WDR36: variants seen among roughly 807,000 people sequenced by gnomAD.
The protein encoded by WDR36 is WD repeat domain 36.
WDR36 carries 63 observed loss-of-function variants against 112.7 expected under a neutral mutation model. That is an observed-to-expected ratio of 0.56 (90% CI 0.46 to 0.69). The LOEUF is 0.69. Among genes scored for constraint, WDR36 ranks in the 30% least tolerant of loss-of-function variants. The probability of loss-of-function intolerance (pLI) is 0.00; values close to 1 mark genes in which losing one functional copy is unlikely to be tolerated. For synonymous variants in WDR36, 410 were observed against 362.2 expected (o/e 1.13, Z -1.50); for missense variants, 1,226 against 1,070.3 (o/e 1.15, Z -2.03).
At chr5:111,103,091 C>G (rs1010711404) in intron 6 of WDR36, among the ~76,000 whole-genome samples, 3 of 151,602 alleles carry the variant, frequency 2.0e-5, no homozygotes, top group African/African-American at 7.3e-5. Context: ...GGGATTATAT[C>G]TGTTTTAGTA....
At chr5:111,102,481 A>G (rs1219272649) in intron 6 of WDR36, 82 bp downstream of exon 6, 3 of 1,362,246 alleles carry the variant, frequency 2.2e-6, no homozygotes, top group Non-Finnish European at 3.1e-6. Context: ...ATAATTTTAG[A>G]CGTAAAGACG....
In WDR36 at chr5:111,097,151, T is replaced by A; in HGVS notation, c.263T>A (p.Val88Asp). 1 of 1,613,640 alleles carries A rather than the reference T, an allele frequency of 6.2e-7. No individual in the cohort carries two copies. Among genetic ancestry groups the A allele is most frequent in the Non-Finnish European group, 8.5e-7 (1 of 1,179,752 alleles). Residue 88 changes from valine (V) to aspartate (D), a missense_variant, in exon 3 of 23, where the codon GTT becomes GAT. Val to Asp is a radical substitution (Grantham distance 152, BLOSUM62 -3). Transcript: ENST00000513710. ...TTAGTCTTTGCTGCTTATGGAAATG[T>A]TTTCTCTGCATTTGCCCGTAATAAA... ...GRLVFAAYGNVFSAFARNKEI... is the reference protein window; with the variant it reads ...GRLVFAAYGNDFSAFARNKEI...
At position 111,121,225 on chromosome 5, in the gene WDR36, T is replaced by C; in HGVS notation, c.2148+84T>C. ...TTAAGCAGAGAGAACTTCTCCTACA[T>C]TGAGGGCATTAGAAGAGCAATTAAT... On this transcript the variant is annotated intron_variant, in intron 19 of 22. Transcript: ENST00000513710. The C allele has an allele frequency of 2.0e-6, 3 of 1,470,564 alleles. 1 individual carries two copies. Among genetic ancestry groups the C allele is most frequent in the Non-Finnish European group, 2.8e-6 (3 of 1,054,514 alleles). The allele number at this position is 1,470,564 out of a possible 1,614,324, so 91.1% of individuals were successfully genotyped here. A position where few individuals can be genotyped will look rare whatever the true frequency, so the allele number is the denominator to read the frequency against.
In WDR36 at chr5:111,129,997, T is replaced by C. The variant is rs1378240316; in HGVS notation, c.*3114T>C. The C allele has an allele frequency of 4.7e-6, 1 of 211,714 alleles. No homozygotes were observed. Among genetic ancestry groups the C allele is most frequent in the Non-Finnish European group, 9.6e-6 (1 of 104,506 alleles). 13.1% of individuals were successfully genotyped at this position (211,714 alleles called of 1,614,324 possible). A position where few individuals can be genotyped will look rare whatever the true frequency, so the allele number is the denominator to read the frequency against. On this transcript the variant is annotated 3_prime_UTR_variant, in exon 23 of 23. Transcript: ENST00000513710. ...TATGTGTTAAATTCTTTCACTGAGC[T>C]CTTCCATATTCCTAGTAAATGATGC... is the stretch of plus-strand genomic sequence containing the variant.
In WDR36 at chr5:111,101,502, A is replaced by G. The variant is rs1485737106; in HGVS notation, c.542+781A>G. Among the ~76,000 whole-genome samples the G allele has an allele frequency of 2.0e-5, 3 of 151,874 alleles. No individual in the cohort carries two copies. In the South Asian group the frequency reaches 6.2e-4, roughly 31 times the overall value. The stretch of plus-strand genomic sequence containing the variant: ...GTTAAAAGTACTTCCATAATCTCCC[A>G]TAGATATGGCAAATATCTAATATTG... On this transcript the variant is annotated intron_variant, in intron 5 of 22. Coordinates refer to ENST00000513710, the MANE Select transcript of WDR36 (RefSeq NM_139281.3).
intron 16 of WDR36, among the ~76,000 whole-genome samples, chr5:111,117,500 T>C (rs1296453766): frequency 1.3e-5 from 2 of 152,148 alleles, no homozygotes; most frequent in Non-Finnish European, 2.9e-5. Flanking sequence ...GTGTTTTAGT[T>C]TCAGTAGTGG....
Position 111,095,287 on chromosome 5 carries a change from G to T in WDR36, c.190+340G>T, listed in dbSNP as rs78698890. On this transcript the variant is annotated intron_variant, in intron 2 of 22. Coordinates refer to ENST00000513710, the MANE Select transcript of WDR36 (RefSeq NM_139281.3). ...GGATTAGATTTAGGTTGTACCCCTT[G>T]GGAGGAATCACAGTGAATTGTATCA... 7.1e-3 allele frequency: 1,616 copies of T among 226,938 alleles called. 21 individuals are homozygous for T. The highest frequency in any genetic ancestry group is 0.035 in the African/African-American group (1,515 of 43,676). The allele number at this position is 226,938 out of a possible 1,614,324, so 14.1% of individuals were successfully genotyped here. A position where few individuals can be genotyped will look rare whatever the true frequency, so the allele number is the denominator to read the frequency against.
chr5:111,098,122 TCAGA>T (rs796562142), intron 3 of WDR36, among the ~76,000 whole-genome samples: 5 of 152,080 alleles, frequency 3.3e-5, no homozygotes, highest in African/African-American at 1.2e-4. Flanking sequence ...TGGGGAGGCG[TCAGA>T]CACTGTCAAC....
intron 17 of WDR36, among the ~76,000 whole-genome samples, chr5:111,120,211 C>T (rs1379506412): frequency 6.6e-6 from 1 of 152,072 alleles, no homozygotes; most frequent in Non-Finnish European, 1.5e-5. Context: ...TATGTCAAAA[C>T]AATATATGAA....
rs947128644 is a variant in WDR36, at chr5:111,126,896, G to A, written c.*13G>A. ...TGCTTTGTTGTAAAAATAAATTTGT[G>A]ACTAAACAAAGACTTTCATATTAAA... On this transcript the variant is annotated 3_prime_UTR_variant, in exon 23 of 23. Transcript: ENST00000513710. 9 of 1,582,662 alleles carry A rather than the reference G, an allele frequency of 5.7e-6. 1 individual carries two copies. In the Admixed American group the frequency reaches 1.1e-4, roughly 19 times the overall value.
At chr5:111,123,644 G>A (rs773635570) in intron 19 of WDR36, among the ~76,000 whole-genome samples, 161 bp from the exon 20 acceptor site, 2 of 152,210 alleles carry the variant, frequency 1.3e-5, no homozygotes, top group African/African-American at 2.4e-5. Context: ...AAGGATAGCT[G>A]TGGTATTGGT....
Position 111,097,036 on chromosome 5 carries a change from A to C in WDR36, c.191-43A>C, listed in dbSNP as rs760798616. The C allele has an allele frequency of 4.8e-6, 7 of 1,451,604 alleles. No homozygotes were observed. In the East Asian group the frequency reaches 1.6e-4, roughly 33 times the overall value. The allele number at this position is 1,451,604 out of a possible 1,614,324, so 89.9% of individuals were successfully genotyped here. A position where few individuals can be genotyped will look rare whatever the true frequency, so the allele number is the denominator to read the frequency against. ...TGTATACTTGAGGTTTCTCTTTAAC[A>C]TCTTAAAAATCCCTGTTTCTTTCAT... On this transcript the variant is annotated intron_variant, in intron 2 of 22. Coordinates refer to ENST00000513710, the MANE Select transcript of WDR36 (RefSeq NM_139281.3).
rs958003328 is a variant in WDR36 at position 111,129,729 on chromosome 5, CTTAT to C, written c.*2849_*2852del. On this transcript the variant is annotated 3_prime_UTR_variant, in exon 23 of 23. Transcript: ENST00000513710. ...CAATCAAATTGATTAATTTTCATGA[CTTAT>C]TTCAGGATATAAAGCAAATTATTTT... is the stretch of plus-strand genomic sequence containing the variant. 1 of 198,704 alleles carries C rather than the reference CTTAT, an allele frequency of 5.0e-6. No individual in the cohort carries two copies. Among genetic ancestry groups the C allele is most frequent in the Admixed American group, 6.0e-5 (1 of 16,540 alleles). 12.3% of individuals were successfully genotyped at this position (198,704 alleles called of 1,614,324 possible). A position where few individuals can be genotyped will look rare whatever the true frequency, so the allele number is the denominator to read the frequency against.
intron 2 of WDR36, chr5:111,095,314 A>C (rs1418325554): frequency 4.8e-6 from 1 of 209,814 alleles, no homozygotes; most frequent in Admixed American, 5.3e-5. Context: ...ATTGTATCAG[A>C]AGGCACATGC....
In WDR36 at chr5:111,100,635, T is replaced by G; in HGVS notation, c.456T>G (p.Ser152=). 2 of 1,603,468 alleles carry G rather than the reference T, an allele frequency of 1.2e-6. No homozygotes were observed. Among genetic ancestry groups the G allele is most frequent in the Middle Eastern group, 1.7e-4 (1 of 6,014 alleles). Residue 152 remains serine, a synonymous_variant, in exon 5 of 23, where the codon TCT becomes TCG. Transcript: ENST00000513710. ...TTGATAAATCAGTATTTAAAATTTC[T>G]GCAATTTTGCATCCAAGTACCTACT... ...LTFDKSVFKI[S]AILHPSTYLN... is the part of the protein sequence containing the mutation.
chr5:111,097,097 A>G lies in WDR36; in HGVS notation c.209A>G (p.Asp70Gly), dbSNP rs146853165. The change falls in exon 3 of 23, where the codon GAT becomes GGT. Residue 70 changes from aspartate (D) to glycine (G), a missense_variant. Coordinates refer to ENST00000513710, the MANE Select transcript of WDR36 (RefSeq NM_139281.3). ...CTGCTAGGTAATTCTGTTCCACAGG[A>G]TATCTGCTGTATGGCAGCTGATGGC... The part of the protein sequence containing the change: ...LVAVSNSVPQ[D>G]ICCMAADGRL... 1.9e-6 allele frequency: 3 copies of G among 1,613,274 alleles called. No individual in the cohort carries two copies. Among genetic ancestry groups the G allele is most frequent in the Non-Finnish European group, 2.5e-6 (3 of 1,179,358 alleles).
chr5:111,104,086 C>A, intron 7 of WDR36, 91 bp from the exon 8 acceptor site: 1 of 1,425,774 alleles, frequency 7.0e-7, no homozygotes, highest in Non-Finnish European at 9.6e-7. Context: ...TTTTTTCTAA[C>A]TTTATGGATT....
chr5:111,095,112 CT>C, intron 2 of WDR36, 165 bp downstream of exon 2: 1 of 649,464 alleles, frequency 1.5e-6, no homozygotes, highest in Non-Finnish European at 2.6e-6. Flanking sequence ...TCATGTTTTG[CT>C]TTTAGTTGTT....
At chr5:111,111,437 T>A in intron 15 of WDR36, 159 bp downstream of exon 15, 1 of 658,750 alleles carries the variant, frequency 1.5e-6, no homozygotes, top group Non-Finnish European at 2.6e-6. Context: ...ATTAAAAGTT[T>A]AATATTTTTC....
Sources: allele counts gnomAD v4.1 joint callset (sites outside exome capture counted in the v4.1 genomes callset), GRCh38; gene constraint gnomAD v4.1.1; transcripts MANE v1.5; gene names NCBI Gene and HGNC (gene_info 2026-07-23, HGNC 2026-07-21).